The following MTUS2 variants were observed in gnomAD, a reference collection of about 807,000 sequenced individuals.
MTUS2 encodes the protein microtubule-associated tumor suppressor candidate 2.
MTUS2 carries 40 observed loss-of-function variants against 114.1 expected under a neutral mutation model. The observed-to-expected ratio is 0.35, with a 90% confidence interval of 0.27 to 0.46. The LOEUF (loss-of-function observed/expected upper bound fraction) is 0.46. Among genes scored for constraint, MTUS2 ranks in the 20% least tolerant of loss-of-function variants. The probability of loss-of-function intolerance (pLI) is 1.00; values close to 1 mark genes in which losing one functional copy is unlikely to be tolerated. For missense variants in MTUS2, 1,679 were observed against 1,705.4 expected (o/e 0.98, Z 0.27); for synonymous variants, 688 against 672.0 (o/e 1.02, Z -0.37).
chr13:28,904,480 A>C (rs1268751813), intron 2 of MTUS2, among the ~76,000 whole-genome samples: 1 of 152,218 alleles, frequency 6.6e-6, no homozygotes, highest in Non-Finnish European at 1.5e-5. Context: ...ATGGCTAGCC[A>C]GTTTTCCCAG....
At chr13:29,404,176 C>A (rs375048887) in intron 8 of MTUS2, among the ~76,000 whole-genome samples, 139 of 127,692 alleles carry the variant, frequency 1.1e-3, no homozygotes, top group African/African-American at 1.2e-3. Context: ...TCCATCTCTA[C>A]AAAAAAAAAA....
At chr13:28,846,132 G>A (rs1875870998) in intron 2 of MTUS2, among the ~76,000 whole-genome samples, 1 of 151,580 alleles carries the variant, frequency 6.6e-6, no homozygotes, top group Admixed American at 6.6e-5. Flanking sequence ...AGAGCTGCTT[G>A]AGTTATAGCC....
At chr13:29,240,379 A>T (rs537732455) in intron 5 of MTUS2, among the ~76,000 whole-genome samples, 8 of 152,240 alleles carry the variant, frequency 5.3e-5, no homozygotes, top group Admixed American at 1.3e-4. Flanking sequence ...ATTCAAGCAT[A>T]TAAAACCCCA....
chr13:29,281,188 T>G (rs1898250444), intron 5 of MTUS2, among the ~76,000 whole-genome samples: 1 of 152,080 alleles, frequency 6.6e-6, no homozygotes, highest in Admixed American at 6.5e-5. Context: ...ATCCCAAGCC[T>G]CCTCTTCTGG....
At chr13:29,005,526 G>T (rs1885565360) in intron 2 of MTUS2, among the ~76,000 whole-genome samples, 2 of 152,130 alleles carry the variant, frequency 1.3e-5, no homozygotes, top group African/African-American at 2.4e-5. Flanking sequence ...AACAAAGCAG[G>T]GTGGAGAGGA....
At chr13:29,045,996 A>G (rs1005978061) in intron 4 of MTUS2, among the ~76,000 whole-genome samples, 23 of 152,152 alleles carry the variant, frequency 1.5e-4, no homozygotes, top group African/African-American at 5.3e-4. Context: ...CCCAGGCTTG[A>G]GAAAGAATTG....
chr13:29,049,024 A>G (rs181839288), intron 4 of MTUS2, among the ~76,000 whole-genome samples: 17 of 152,270 alleles, frequency 1.1e-4, no homozygotes, highest in East Asian at 5.8e-4. Flanking sequence ...CTGATCAGCA[A>G]TTCTTTCAAA....
chr13:28,925,723 T>G (rs1468302236), intron 2 of MTUS2, among the ~76,000 whole-genome samples: 1 of 152,198 alleles, frequency 6.6e-6, no homozygotes, highest in Admixed American at 6.5e-5. Flanking sequence ...CCTTATATAC[T>G]CACTGGGGAA....
intron 6 of MTUS2, among the ~76,000 whole-genome samples, chr13:29,294,804 C>T (rs1298201301): frequency 6.6e-6 from 1 of 152,198 alleles, no homozygotes; most frequent in African/African-American, 2.4e-5. Context: ...GGATCAGTCA[C>T]ACATACACAC....
At chr13:28,823,054 G>T (rs1383193016) in intron 1 of MTUS2, among the ~76,000 whole-genome samples, 3 of 152,152 alleles carry the variant, frequency 2.0e-5, no homozygotes, top group African/African-American at 7.2e-5. Context: ...GGTTGGGGAA[G>T]GGAGGAAAGT....
At chr13:29,332,673 C>T (rs567861282) in intron 7 of MTUS2, among the ~76,000 whole-genome samples, 7 of 146,074 alleles carry the variant, frequency 4.8e-5, no homozygotes, top group Non-Finnish European at 9.0e-5. Context: ...CTCGCTCAGT[C>T]GCCCAGGCTG....
intron 2 of MTUS2, among the ~76,000 whole-genome samples, chr13:28,957,985 C>T (rs554814964): frequency 8.5e-5 from 13 of 152,334 alleles, no homozygotes; most frequent in Non-Finnish European, 1.5e-4. Flanking sequence ...CTAGCCTAGA[C>T]ACCTTGAAAA....
At chr13:29,456,488 A>G (rs1333409971) in intron 9 of MTUS2, among the ~76,000 whole-genome samples, 1 of 152,232 alleles carries the variant, frequency 6.6e-6, no homozygotes, top group Non-Finnish European at 1.5e-5. Flanking sequence ...TAAAAGAGCA[A>G]CCTGAAGACC....
intron 4 of MTUS2, among the ~76,000 whole-genome samples, chr13:29,077,387 T>A (rs1051652573): frequency 6.6e-6 from 1 of 151,938 alleles, no homozygotes. Flanking sequence ...GGAAGAACTA[T>A]GGTAAAATTA....
At chr13:29,314,066 G>C (rs1417398042) in intron 6 of MTUS2, among the ~76,000 whole-genome samples, 2 of 152,104 alleles carry the variant, frequency 1.3e-5, no homozygotes, top group East Asian at 3.8e-4. Context: ...CTCTACCAAA[G>C]TAAGGAAGCA....
intron 1 of MTUS2, among the ~76,000 whole-genome samples, chr13:28,821,692 C>T (rs544529511): frequency 4.6e-5 from 7 of 152,342 alleles, no homozygotes; most frequent in African/African-American, 1.7e-4. Context: ...AAAAGCTTTC[C>T]TGGTGATTCT....
At chr13:28,996,751 T>C (rs1167753698) in intron 2 of MTUS2, among the ~76,000 whole-genome samples, 1 of 152,240 alleles carries the variant, frequency 6.6e-6, no homozygotes, top group African/African-American at 2.4e-5. Flanking sequence ...GATATCCCCT[T>C]TGTCATTTTT....
Position 29,248,692 on chromosome 13 carries a change from C to T in MTUS2, c.2645-33012C>T, listed in dbSNP as rs183234601. ...CCGCCTTGTGTCCATGTGTTCTCAT[C>T]GTTCATCTCCCACTTATGAGTGAGA... On this transcript the variant is annotated intron_variant, in intron 5 of 15. Transcript: ENST00000612955. Among the ~76,000 whole-genome samples the T allele has an allele frequency of 1.2e-4, 18 of 152,132 alleles. No homozygotes were observed. The East Asian group carries it at 1.4e-3, about 11-fold the overall frequency.
chr13:29,127,727 C>T (rs75494800), intron 5 of MTUS2, among the ~76,000 whole-genome samples: 2,973 of 152,308 alleles, frequency 0.02, 104 homozygotes, highest in African/African-American at 0.068. Context: ...ATGGCTGCAC[C>T]GGGCCCCGCT....
Sources: gnomAD v4.1 joint callset for allele counts (sites outside exome capture counted in the v4.1 genomes callset) on GRCh38, gnomAD v4.1.1 for gene constraint, MANE v1.5 for transcripts, NCBI Gene and HGNC (gene_info 2026-07-23, HGNC 2026-07-21) for gene names.